Variants in NUB1 observed in about 807,000 individuals in gnomAD.
NUB1 encodes negative regulator of ubiquitin like proteins 1.
NUB1 carries 41 observed loss-of-function variants against 77.1 expected under a neutral mutation model. The observed-to-expected ratio is 0.53, with a 90% CI of 0.41 to 0.69. NUB1 has a LOEUF of 0.69. Among genes scored for constraint, NUB1 ranks in the 30% least tolerant of loss-of-function variants. The pLI, the probability that NUB1 is intolerant of heterozygous loss-of-function variation, is 0.00. For missense variants in NUB1, 643 were observed against 743.8 expected, an observed-to-expected ratio of 0.86 and a Z score of 1.58; for synonymous variants, 257 against 281.0, an observed-to-expected ratio of 0.91 and a Z score of 0.85.
At chr7:151,344,926 G>A (rs1301389806) in intron 1 of NUB1, among the ~76,000 whole-genome samples, 15 of 152,076 alleles carry the variant, frequency 9.9e-5, no homozygotes, top group South Asian at 2.1e-4. Context: ...CTTGAACCCA[G>A]GGGGCGGAGC....
intron 3 of NUB1, chr7:151,351,037 G>A (rs1385076866): frequency 4.1e-6 from 1 of 246,522 alleles, no homozygotes; most frequent in African/African-American, 2.3e-5. Context: ...TGAAATGTCC[G>A]GAATAGGCAA....
Position 151,375,846 on chromosome 7 carries a change from A to G in NUB1, c.1396-2A>G. On this transcript the variant is annotated splice_acceptor_variant, in intron 12 of 14. Coordinates refer to ENST00000568733, the MANE Select transcript of NUB1 (RefSeq NM_001243351.2). LOFTEE classifies it high-confidence loss of function. ...GGTAAAGGGTGTTCCTGTGTGTTTT[A>G]GATTCTGCTCAGCAATCCTCAGATG... The G allele has an allele frequency of 6.2e-7, 1 of 1,601,764 alleles. No homozygotes were observed. Among genetic ancestry groups the G allele is most frequent in the South Asian group, 1.1e-5 (1 of 90,848 alleles).
intron 2 of NUB1, among the ~76,000 whole-genome samples, chr7:151,346,744 G>A (rs939929609): frequency 5.9e-5 from 9 of 152,204 alleles, no homozygotes; most frequent in Non-Finnish European, 1.3e-4. Flanking sequence ...CTCTTCATGT[G>A]AATGGTTATT....
At chr7:151,373,171 C>T (rs1028278865) in intron 11 of NUB1, among the ~76,000 whole-genome samples, 8 of 152,150 alleles carry the variant, frequency 5.3e-5, no homozygotes, top group Admixed American at 2.6e-4. Flanking sequence ...TTTTCTCCCC[C>T]GTCCTCGCTG....
At chr7:151,349,526 A>C (rs1394732038) in intron 3 of NUB1, among the ~76,000 whole-genome samples, 1 of 152,248 alleles carries the variant, frequency 6.6e-6, no homozygotes, top group Non-Finnish European at 1.5e-5. Flanking sequence ...TGGGGAATAA[A>C]GGATTCCCAA....
rs767277631 is a variant in NUB1, at chr7:151,349,175, A to G, written c.220A>G (p.Asn74Asp). Reference protein sequence around the residue: ...RCKAIERGTGNDNYRTTGIAT... With the variant: ...RCKAIERGTGDDNYRTTGIAT... ...CAAGGCAATTGAGCGTGGAACAGGAAATGACAATTATAGAACAACGGGAAT... is the reference window on the plus strand; with the variant it reads ...CAAGGCAATTGAGCGTGGAACAGGAGATGACAATTATAGAACAACGGGAAT... The change falls in exon 3 of 15, where the codon AAT becomes GAT. Residue 74 changes from asparagine (N) to aspartate (D), a missense_variant. Coordinates refer to ENST00000568733, the MANE Select transcript of NUB1 (RefSeq NM_001243351.2). The G allele has an allele frequency of 3.1e-6, 5 of 1,613,678 alleles. No homozygotes were observed. The highest frequency in any genetic ancestry group is 4.2e-6 in the Non-Finnish European group (5 of 1,179,792).
intron 7 of NUB1, among the ~76,000 whole-genome samples, chr7:151,356,747 T>C (rs1030492527): frequency 6.6e-6 from 1 of 152,204 alleles, no homozygotes; most frequent in African/African-American, 2.4e-5. Flanking sequence ...GACGGAGTTT[T>C]GCTCTTGTTG....
rs183064180 is a variant in NUB1 at position 151,367,672 on chromosome 7, A to G, written c.988-189A>G. Reference sequence around the variant, plus strand: ...ACTGACTCTCCTGTGTGGCATGAGGAATGTTATCATACCACAGGGGATGGG... The same window carrying G: ...ACTGACTCTCCTGTGTGGCATGAGGGATGTTATCATACCACAGGGGATGGG... On this transcript the variant is annotated intron_variant, in intron 9 of 14. Transcript: ENST00000568733. Among the ~76,000 whole-genome samples, 622 of 152,198 alleles carry G rather than the reference A, an allele frequency of 4.1e-3. 22 individuals carry two copies. The highest frequency in any genetic ancestry group is 0.038 in the Admixed American group (574 of 15,292).
At chr7:151,367,723 C>A in intron 9 of NUB1, 138 bp from the exon 10 acceptor site, 1 of 591,674 alleles carries the variant, frequency 1.7e-6, no homozygotes, top group Non-Finnish European at 3.0e-6. Context: ...CTTTTGCCGT[C>A]AGTCATAGTG....
intron 8 of NUB1, among the ~76,000 whole-genome samples, chr7:151,366,004 T>C (rs1385395834): frequency 6.6e-6 from 1 of 152,122 alleles, no homozygotes; most frequent in Admixed American, 6.5e-5. Flanking sequence ...CCAATGAACA[T>C]AAAGAGAGAA....
chr7:151,343,973 A>G (rs2150655080), intron 1 of NUB1, among the ~76,000 whole-genome samples: 1 of 151,934 alleles, frequency 6.6e-6, no homozygotes, highest in South Asian at 2.1e-4. Flanking sequence ...CAAGGTCAGG[A>G]GATTGAGACC....
chr7:151,356,071 T>C (rs985051510), intron 6 of NUB1, 57 bp from the exon 7 acceptor site: 8 of 1,558,294 alleles, frequency 5.1e-6, no homozygotes, highest in Non-Finnish European at 7.1e-6. Context: ...TTTAAGGCTG[T>C]CATCATCATA....
intron 1 of NUB1, 194 bp downstream of exon 1, chr7:151,342,040 C>T: frequency 9.2e-7 from 1 of 1,083,818 alleles, no homozygotes; most frequent in Non-Finnish European, 1.2e-6. Context: ...TCGGGACGCG[C>T]TGGCCGTTCG....
intron 2 of NUB1, among the ~76,000 whole-genome samples, chr7:151,348,282 T>G (rs780138748): frequency 2.0e-4 from 30 of 152,262 alleles, no homozygotes; most frequent in Admixed American, 2.6e-4. Flanking sequence ...TACAAATAGT[T>G]TTACAACTAG....
In NUB1 at chr7:151,378,397, T is replaced by G. The variant is rs1396507250; in HGVS notation, c.*1172T>G. 6.6e-6 allele frequency: 1 copy of G among 152,274 alleles called. No homozygotes were observed. The highest frequency in any genetic ancestry group is 2.4e-5 in the African/African-American group (1 of 41,470). 9.4% of individuals were successfully genotyped at this position (152,274 alleles called of 1,614,324 possible). The stretch of plus-strand genomic sequence containing the variant: ...ACTGATGGGAATCTTCTTGTCATTC[T>G]TTTTAAACGGATGATACCGATGGAA... On this transcript the variant is annotated 3_prime_UTR_variant, in exon 15 of 15. Transcript: ENST00000568733.
intron 8 of NUB1, among the ~76,000 whole-genome samples, chr7:151,362,418 C>A (rs1434643599): frequency 6.6e-6 from 1 of 152,178 alleles, no homozygotes; most frequent in Non-Finnish European, 1.5e-5. Flanking sequence ...TTCCATTTGA[C>A]TTTTCCCCCT....
In NUB1 at chr7:151,367,949, C is replaced by T. The variant is rs1797771809; in HGVS notation, c.1076C>T (p.Ala359Val). 6.3e-7 allele frequency: 1 copy of T among 1,581,780 alleles called. No homozygotes were observed. Among genetic ancestry groups the T allele is most frequent in the Non-Finnish European group, 8.6e-7 (1 of 1,160,876 alleles). The stretch of plus-strand genomic sequence containing the variant: ...TATCACAGTGGAAATGATGTAGAGG[C>T]TTATGAGTATCTTAACAAGGTAAGA... ...RNYHSGNDVE[A>V]YEYLNKARQL... Residue 359 changes from alanine to valine, a missense_variant, in exon 10 of 15, where the codon GCT (alanine) becomes GTT (valine). By Grantham distance (64) the Ala-to-Val change is moderately conservative (BLOSUM62 0). Coordinates refer to ENST00000568733, the MANE Select transcript of NUB1 (RefSeq NM_001243351.2).
At chr7:151,352,761 A>G (rs1796877358) in intron 4 of NUB1, 51 bp from the exon 5 acceptor site, 1 of 1,195,188 alleles carries the variant, frequency 8.4e-7, no homozygotes, top group Non-Finnish European at 1.2e-6. Flanking sequence ...TTTAATGGAT[A>G]ATAAATCGCA....
intron 5 of NUB1, among the ~76,000 whole-genome samples, chr7:151,354,045 G>T (rs1056272011): frequency 4.6e-5 from 7 of 152,156 alleles, no homozygotes; most frequent in Non-Finnish European, 7.4e-5. Context: ...TAACCCCAGG[G>T]CCACAAGGAT....
Sources: allele counts gnomAD v4.1 joint callset (sites outside exome capture counted in the v4.1 genomes callset), GRCh38; gene constraint gnomAD v4.1.1; transcripts MANE v1.5; gene names NCBI Gene and HGNC (gene_info 2026-07-23, HGNC 2026-07-21).